IL1RAPL1: variants seen among roughly 807,000 people sequenced by gnomAD.
The protein encoded by IL1RAPL1 is interleukin-1 receptor accessory protein-like 1.
Under a neutral mutation model 48.4 loss-of-function variants are expected in IL1RAPL1, and 3 were observed. That is an observed-to-expected ratio of 0.06 (90% confidence interval 0.03 to 0.16). The LOEUF (loss-of-function observed/expected upper bound fraction) is 0.16. Ranked by LOEUF, IL1RAPL1 falls within the 10% of genes least tolerant of loss-of-function variation. IL1RAPL1 has a pLI of 1.00. For synonymous variants in IL1RAPL1, 185 were observed against 187.7 expected (o/e 0.99, Z 0.12); for missense variants, 349 against 530.6 (o/e 0.66, Z 3.36).
intron 2 of IL1RAPL1, among the ~76,000 whole-genome samples, chrX:29,016,261 C>G (rs1437380215): frequency 9.0e-6 from 1 of 111,101 alleles, no homozygotes; most frequent in Non-Finnish European, 1.9e-5. Flanking sequence ...GAAAAGGTGG[C>G]AAGTCCTGAA....
At chrX:29,168,583 G>GTA (rs1220943677) in intron 2 of IL1RAPL1, among the ~76,000 whole-genome samples, 8 of 71,906 alleles carry the variant, frequency 1.1e-4, no homozygotes, top group South Asian at 6.2e-4. Context: ...ACACACAATT[G>GTA]TATATATATA....
rs753582133 is a variant in IL1RAPL1, at chrX:29,613,712, CGTGTGTGTGTGTGTGTGT to C, written c.704-54689_704-54672del. On this transcript the variant is annotated intron_variant, in intron 5 of 10. Transcript: ENST00000378993. ...CAAATGGGAGAAGCTGGGTTTTTTT[CGTGTGTGTGTGTGTGTGT>C]GTGTGTGTGTGTGTGTGTGTGTGTG... is the stretch of plus-strand genomic sequence containing the variant. Among the ~76,000 whole-genome samples the C allele has an allele frequency of 4.0e-3, 235 of 58,806 alleles. 1 individual carries two copies. The highest frequency in any genetic ancestry group is 0.013 in the African/African-American group (196 of 15,197). 51.1% of individuals were successfully genotyped at this position (58,806 alleles called of 115,157 possible).
intron 1 of IL1RAPL1, among the ~76,000 whole-genome samples, chrX:28,674,778 G>A (rs1314860666): frequency 9.0e-6 from 1 of 111,628 alleles, no homozygotes; most frequent in Non-Finnish European, 1.9e-5. Context: ...CCATTGTAAA[G>A]TTAAAGAGTA....
chrX:29,198,237 A>G (rs1930482939), intron 2 of IL1RAPL1, among the ~76,000 whole-genome samples: 1 of 111,617 alleles, frequency 9.0e-6, no homozygotes, highest in South Asian at 3.7e-4. Flanking sequence ...CTGCAGAAAT[A>G]AAGAACAAGG....
At chrX:29,232,627 T>C (rs1172675932) in intron 2 of IL1RAPL1, among the ~76,000 whole-genome samples, 2 of 111,487 alleles carry the variant, frequency 1.8e-5, no homozygotes, top group East Asian at 5.6e-4. Flanking sequence ...CTAACATGTT[T>C]CTTTTATAAT....
At chrX:29,164,266 T>A (rs1371452028) in intron 2 of IL1RAPL1, among the ~76,000 whole-genome samples, 1 of 111,771 alleles carries the variant, frequency 8.9e-6, no homozygotes, top group Non-Finnish European at 1.9e-5. Flanking sequence ...TACTGCAAGA[T>A]AAGCTCCTTG....
chrX:28,692,531 A>G (rs1601861363), intron 1 of IL1RAPL1, among the ~76,000 whole-genome samples: 1 of 111,724 alleles, frequency 9.0e-6, no homozygotes, highest in Non-Finnish European at 1.9e-5. Flanking sequence ...TAGTAATTAT[A>G]TATCTAATGA....
intron 2 of IL1RAPL1, among the ~76,000 whole-genome samples, chrX:29,232,584 A>G (rs1931221406): frequency 9.0e-6 from 1 of 111,705 alleles, no homozygotes; most frequent in African/African-American, 3.3e-5. Context: ...ATCATCTGAC[A>G]GTCATCTCTC....
At chrX:29,218,715 G>T (rs935314998) in intron 2 of IL1RAPL1, among the ~76,000 whole-genome samples, 1 of 112,091 alleles carries the variant, frequency 8.9e-6, no homozygotes, top group African/African-American at 3.2e-5. Context: ...TCAAGAAACA[G>T]AGTTAATATC....
chrX:29,450,655 A>T (rs1934668858), intron 5 of IL1RAPL1, among the ~76,000 whole-genome samples: 1 of 111,741 alleles, frequency 8.9e-6, no homozygotes, highest in African/African-American at 3.2e-5. Flanking sequence ...AATCATATCC[A>T]ATCATTCAAC....
At chrX:29,379,925 C>T (rs181029400) in intron 3 of IL1RAPL1, among the ~76,000 whole-genome samples, 2,368 of 110,252 alleles carry the variant, frequency 0.021, 56 homozygotes, top group African/African-American at 0.073. Context: ...CCCTTCCCTA[C>T]CCTTCCCTGC....
chrX:29,922,571 T>TTATATGAGTCCCTCATA (rs1443472700), intron 8 of IL1RAPL1, among the ~76,000 whole-genome samples: 1 of 111,646 alleles, frequency 9.0e-6, no homozygotes, highest in Non-Finnish European at 1.9e-5. Context: ...GGACTCATGA[T>TTATATGAGTCCCTCATA]TATATGGAAT....
chrX:29,848,542 A>T (rs1487385200), intron 6 of IL1RAPL1, among the ~76,000 whole-genome samples: 2 of 111,539 alleles, frequency 1.8e-5, no homozygotes, highest in Admixed American at 1.9e-4. Flanking sequence ...AACTCATTGG[A>T]TGCAGGTGAT....
At chrX:28,800,308 A>G (rs74743883) in intron 2 of IL1RAPL1, among the ~76,000 whole-genome samples, 1,264 of 112,223 alleles carry the variant, frequency 0.011, 18 homozygotes, top group East Asian at 0.089. Context: ...TACATCCACA[A>G]AGATTCTTTA....
chrX:28,599,536 C>T (rs1231438970), intron 1 of IL1RAPL1, among the ~76,000 whole-genome samples: 1 of 111,541 alleles, frequency 9.0e-6, no homozygotes, highest in African/African-American at 3.3e-5. Context: ...GCAATTGTGG[C>T]TCATTGTGGG....
chrX:29,537,405 G>T, intron 5 of IL1RAPL1, among the ~76,000 whole-genome samples: 1 of 110,540 alleles, frequency 9.0e-6, no homozygotes, highest in African/African-American at 3.3e-5. Flanking sequence ...CTTCAGAATA[G>T]AAATATCTGG....
chrX:29,485,305 A>G (rs893326762), intron 5 of IL1RAPL1, among the ~76,000 whole-genome samples: 1 of 112,223 alleles, frequency 8.9e-6, no homozygotes, highest in Non-Finnish European at 1.9e-5. Flanking sequence ...CATTTGGCAA[A>G]GCACATAAAA....
intron 2 of IL1RAPL1, among the ~76,000 whole-genome samples, chrX:28,873,835 G>T (rs544411843): frequency 9.1e-6 from 1 of 109,951 alleles, no homozygotes; most frequent in Non-Finnish European, 1.9e-5. Context: ...CTGGCCTATT[G>T]TTTTCTAATA....
chrX:29,047,419 A>T (rs1244378980), intron 2 of IL1RAPL1, among the ~76,000 whole-genome samples: 1 of 112,530 alleles, frequency 8.9e-6, no homozygotes, highest in Non-Finnish European at 1.9e-5. Context: ...AATCTGTAGC[A>T]ATGTTACAAC....
Sources: allele counts gnomAD v4.1 joint callset (sites outside exome capture counted in the v4.1 genomes callset), GRCh38; gene constraint gnomAD v4.1.1; transcripts MANE v1.5; gene names NCBI Gene and HGNC (gene_info 2026-07-23, HGNC 2026-07-21).